Variants in FSTL5 observed in about 807,000 individuals in gnomAD.
FSTL5 encodes the protein follistatin-related protein 5.
A neutral mutation model predicts 89.1 loss-of-function variants in FSTL5; 62 were observed. The ratio of observed to expected loss-of-function variants is 0.70; its 90% CI spans 0.57 to 0.86. The LOEUF (loss-of-function observed/expected upper bound fraction) is 0.86, where lower values mean the gene tolerates loss of function less well. FSTL5 is among the 40% of genes least tolerant of loss of function. FSTL5 has a pLI of 0.00. For synonymous variants in FSTL5, 383 were observed against 346.2 expected, an observed-to-expected ratio of 1.11 and a Z score of -1.18; for missense variants, 1,057 against 1,001.6, an observed-to-expected ratio of 1.06 and a Z score of -0.75.
intron 7 of FSTL5, among the ~76,000 whole-genome samples, chr4:161,646,761 T>C (rs1736168186): frequency 6.6e-6 from 1 of 152,178 alleles, no homozygotes; most frequent in Admixed American, 6.5e-5. Context: ...CTGTATATGC[T>C]ATGAGCCACT....
intron 15 of FSTL5, among the ~76,000 whole-genome samples, chr4:161,405,300 A>G (rs891380760): frequency 5.3e-5 from 8 of 152,018 alleles, no homozygotes; most frequent in East Asian, 1.9e-4. Flanking sequence ...AACAACAACA[A>G]CAACAACAAA....
intron 5 of FSTL5, among the ~76,000 whole-genome samples, chr4:161,762,850 T>G (rs376794958): frequency 1.2e-4 from 18 of 152,242 alleles, no homozygotes; most frequent in Middle Eastern, 3.4e-3. Flanking sequence ...ATATGAATCT[T>G]GGGCCCTCCA....
At position 161,696,397 on chromosome 4, in the gene FSTL5, T is replaced by A. The variant is rs927574252; in HGVS notation, c.728-39903A>T. Among the ~76,000 whole-genome samples the A allele has an allele frequency of 7.2e-5, 11 of 152,114 alleles. 1 individual carries two copies. Among genetic ancestry groups the A allele is most frequent in the Non-Finnish European group, 1.6e-4 (11 of 68,004 alleles). On this transcript the variant is annotated intron_variant, in intron 6 of 15. Transcript: ENST00000306100. ...TAGTTTGAAATCAGGTAATGTGGTG[T>A]CTCCATATTTGTTCTTTTTGTTTAG...
intron 4 of FSTL5, among the ~76,000 whole-genome samples, chr4:161,917,165 C>A (rs762018151): frequency 6.6e-6 from 1 of 152,084 alleles, no homozygotes; most frequent in Non-Finnish European, 1.5e-5. Context: ...ACCAAGTTGG[C>A]CGGGCTGGTA....
At chr4:161,402,832 T>C (rs1432427284) in intron 15 of FSTL5, among the ~76,000 whole-genome samples, 2 of 151,960 alleles carry the variant, frequency 1.3e-5, no homozygotes, top group Admixed American at 6.6e-5. Flanking sequence ...ACTTTTTTTT[T>C]TTTTTTTGAG....
At chr4:161,423,159 T>A (rs569880772) in intron 15 of FSTL5, among the ~76,000 whole-genome samples, 40 of 152,338 alleles carry the variant, frequency 2.6e-4, no homozygotes, top group African/African-American at 8.9e-4. Flanking sequence ...CAAAGCCATA[T>A]GGGACAATCA....
intron 12 of FSTL5, among the ~76,000 whole-genome samples, chr4:161,491,173 G>T (rs1033880789): frequency 6.6e-6 from 1 of 151,856 alleles, no homozygotes; most frequent in Admixed American, 6.6e-5. Flanking sequence ...TTCAGAGTAA[G>T]AACTTGAAAA....
chr4:161,590,032 G>T (rs1476420901), intron 7 of FSTL5, among the ~76,000 whole-genome samples: 2 of 152,164 alleles, frequency 1.3e-5, no homozygotes, highest in Non-Finnish European at 2.9e-5. Flanking sequence ...TCAATCATTA[G>T]CTCACCACTA....
intron 1 of FSTL5, among the ~76,000 whole-genome samples, chr4:162,114,050 T>A (rs1344888903): frequency 6.6e-6 from 1 of 152,178 alleles, no homozygotes; most frequent in Non-Finnish European, 1.5e-5. Flanking sequence ...TCATTCTGCA[T>A]TCAAGGATAA....
chr4:161,407,470 G>T (rs1205463995), intron 15 of FSTL5, among the ~76,000 whole-genome samples: 2 of 152,226 alleles, frequency 1.3e-5, no homozygotes, highest in African/African-American at 4.8e-5. Context: ...ACTATGGCTA[G>T]TTCCCCTCCC....
chr4:161,920,542 C>A lies in FSTL5; in HGVS notation c.271G>T (p.Asp91Tyr). The change falls in exon 4 of 16, where the codon GAC becomes TAC. Residue 91 changes from aspartate to tyrosine, a missense_variant. Coordinates refer to ENST00000306100, the MANE Select transcript of FSTL5 (RefSeq NM_020116.5). ...ETGQAECACMDLCKRHYKPVC... is the reference protein window; with the variant it reads ...ETGQAECACMYLCKRHYKPVC... ...GGTTTGTAGTGACGTTTGCAAAGGTCCATACAGGCACATTCTGCTTGCCCT... is the reference window on the plus strand; with the variant it reads ...GGTTTGTAGTGACGTTTGCAAAGGTACATACAGGCACATTCTGCTTGCCCT... 6.2e-7 allele frequency: 1 copy of A among 1,614,002 alleles called. No individual in the cohort carries two copies. The highest frequency in any genetic ancestry group is 1.3e-5 in the African/African-American group (1 of 75,020).
intron 7 of FSTL5, among the ~76,000 whole-genome samples, chr4:161,598,703 G>A (rs1734124796): frequency 6.6e-6 from 1 of 152,024 alleles, no homozygotes; most frequent in African/African-American, 2.4e-5. Flanking sequence ...ATATGTGACA[G>A]ACATAGCATG....
At chr4:161,568,687 A>C (rs1409166498) in intron 8 of FSTL5, among the ~76,000 whole-genome samples, 2 of 152,104 alleles carry the variant, frequency 1.3e-5, no homozygotes, top group Non-Finnish European at 2.9e-5. Flanking sequence ...TTTAAAAATC[A>C]AGGCTAAGGC....
intron 1 of FSTL5, among the ~76,000 whole-genome samples, chr4:162,120,964 G>C (rs2111432356): frequency 6.6e-6 from 1 of 151,952 alleles, no homozygotes; most frequent in African/African-American, 2.4e-5. Flanking sequence ...AAGTTTTGGA[G>C]TTTTTGGTTC....
At chr4:162,131,334 T>C (rs1035976064) in intron 1 of FSTL5, among the ~76,000 whole-genome samples, 2 of 152,218 alleles carry the variant, frequency 1.3e-5, no homozygotes, top group Non-Finnish European at 2.9e-5. Context: ...ATTAAATGAA[T>C]GAATGTATTT....
intron 4 of FSTL5, among the ~76,000 whole-genome samples, chr4:161,846,628 T>C (rs973852922): frequency 3.9e-5 from 6 of 152,190 alleles, no homozygotes; most frequent in Non-Finnish European, 7.3e-5. Context: ...ATTCTCATTG[T>C]TTCATTTTTT....
chr4:161,401,435 A>G (rs1224012697), intron 15 of FSTL5, among the ~76,000 whole-genome samples: 1 of 152,240 alleles, frequency 6.6e-6, no homozygotes, highest in Non-Finnish European at 1.5e-5. Flanking sequence ...AAGAATACTC[A>G]GAGAATAAAT....
intron 2 of FSTL5, among the ~76,000 whole-genome samples, chr4:162,069,974 A>G (rs1301681211): frequency 2.6e-5 from 4 of 151,840 alleles, no homozygotes; most frequent in Non-Finnish European, 5.9e-5. Context: ...AATATTTTCC[A>G]TAATGGCTGC....
chr4:162,116,736 GAA>G (rs754743211), intron 1 of FSTL5, among the ~76,000 whole-genome samples: 13 of 152,176 alleles, frequency 8.5e-5, no homozygotes, highest in Non-Finnish European at 1.5e-4. Context: ...AGGTGCAAGG[GAA>G]AAGAGCCCGC....
Sources: gnomAD v4.1 joint callset for allele counts (sites outside exome capture counted in the v4.1 genomes callset) on GRCh38, gnomAD v4.1.1 for gene constraint, MANE v1.5 for transcripts, NCBI Gene and HGNC (gene_info 2026-07-23, HGNC 2026-07-21) for gene names.